Variants in AFG2A observed in about 807,000 individuals in gnomAD.
AFG2A encodes the protein AAA ATPase AFG2A, also known as ATPase family gene 2 protein homolog A.
the AFG2A span, among the ~76,000 whole-genome samples, chr4:123,274,393 G>T: frequency 3.3e-5 from 5 of 151,016 alleles, no homozygotes; most frequent in South Asian, 1.0e-3. Context: ...TAAAGAAATA[G>T]TACATGTTCT....
the AFG2A span, among the ~76,000 whole-genome samples, chr4:123,094,884 C>T: frequency 6.6e-6 from 1 of 151,536 alleles, no homozygotes; most frequent in Non-Finnish European, 1.5e-5. Flanking sequence ...CCCATTATCA[C>T]CCACACAGAC....
At chr4:123,219,489 A>G in the AFG2A span, among the ~76,000 whole-genome samples, 2 of 152,158 alleles carry the variant, frequency 1.3e-5, no homozygotes, top group African/African-American at 4.8e-5. Context: ...GTCACACCTA[A>G]TATTAACTAA....
the AFG2A span, among the ~76,000 whole-genome samples, chr4:123,163,139 T>G: frequency 6.6e-6 from 1 of 152,034 alleles, no homozygotes; most frequent in Non-Finnish European, 1.5e-5. Flanking sequence ...ATCTGTAAAA[T>G]AAAAACACTG....
chr4:123,271,183 G>T, the AFG2A span, among the ~76,000 whole-genome samples: 130 of 152,304 alleles, frequency 8.5e-4, no homozygotes, highest in Non-Finnish European at 1.5e-3. Flanking sequence ...GAATTACTTA[G>T]ATATTCTCAG....
chr4:122,996,565 G>GCAGA, the AFG2A span, among the ~76,000 whole-genome samples: 1 of 128,238 alleles, frequency 7.8e-6, no homozygotes, highest in South Asian at 2.6e-4. Context: ...AGCTAGGTAG[G>GCAGA]TAGGCAGATA....
chr4:123,236,716 G>T, the AFG2A span, among the ~76,000 whole-genome samples: 1 of 152,094 alleles, frequency 6.6e-6, no homozygotes, highest in African/African-American at 2.4e-5. Context: ...AAACTAACTT[G>T]TACAAGCCAT....
chr4:123,001,724 C>G, the AFG2A span, among the ~76,000 whole-genome samples: 1 of 152,198 alleles, frequency 6.6e-6, no homozygotes, highest in South Asian at 2.1e-4. Flanking sequence ...TTACTTCCAA[C>G]TATGTGGTCA....
At chr4:123,232,736 T>C in the AFG2A span, among the ~76,000 whole-genome samples, 1 of 152,134 alleles carries the variant, frequency 6.6e-6, no homozygotes, top group Non-Finnish European at 1.5e-5. Context: ...TTGAAGATAC[T>C]GCATTGGGGG....
At chr4:123,311,244 C>A in the AFG2A span, among the ~76,000 whole-genome samples, 1 of 152,162 alleles carries the variant, frequency 6.6e-6, no homozygotes, top group African/African-American at 2.4e-5. Flanking sequence ...CAGGTGGTCA[C>A]TACTTCTCTG....
the AFG2A span, among the ~76,000 whole-genome samples, chr4:122,987,310 A>G: frequency 2.6e-5 from 4 of 152,178 alleles, no homozygotes; most frequent in African/African-American, 4.8e-5. Flanking sequence ...AGAATACTTT[A>G]AATTAAAATC....
At chr4:123,195,904 T>C in the AFG2A span, among the ~76,000 whole-genome samples, 13,585 of 152,212 alleles carry the variant, frequency 0.089, 784 homozygotes, top group Middle Eastern at 0.2. Context: ...CCAGCAAACT[T>C]TGTTTATATA....
At chr4:123,121,344 T>C in the AFG2A span, among the ~76,000 whole-genome samples, 3 of 152,088 alleles carry the variant, frequency 2.0e-5, no homozygotes, top group East Asian at 1.9e-4. Context: ...CATAGTCTTA[T>C]TGTACCGTGT....
chr4:123,209,264 T>C, the AFG2A span, among the ~76,000 whole-genome samples: 1 of 152,138 alleles, frequency 6.6e-6, no homozygotes, highest in African/African-American at 2.4e-5. Context: ...ACACTGTCTC[T>C]AGGTAGACAG....
At chr4:123,196,502 A>T in the AFG2A span, among the ~76,000 whole-genome samples, 1 of 152,192 alleles carries the variant, frequency 6.6e-6, no homozygotes, top group East Asian at 1.9e-4. Context: ...GTGATTTAAC[A>T]TAGTTTTTCT....
At chr4:123,100,221 C>T in the AFG2A span, among the ~76,000 whole-genome samples, 2 of 151,720 alleles carry the variant, frequency 1.3e-5, no homozygotes, top group Non-Finnish European at 3.0e-5. Flanking sequence ...CGAAATAGAC[C>T]ATTTCATTTT....
At chr4:123,248,384 A>G in the AFG2A span, among the ~76,000 whole-genome samples, 24 of 152,242 alleles carry the variant, frequency 1.6e-4, no homozygotes, top group African/African-American at 5.5e-4. Flanking sequence ...ACTAAATTGC[A>G]TAAGAGATAT....
At chr4:123,180,213 C>G in the AFG2A span, among the ~76,000 whole-genome samples, 9 of 152,250 alleles carry the variant, frequency 5.9e-5, no homozygotes, top group African/African-American at 2.2e-4. Flanking sequence ...GAGTGAGACT[C>G]TGTCTCAGAA....
the AFG2A span, among the ~76,000 whole-genome samples, chr4:122,958,472 A>G: frequency 1.3e-5 from 2 of 152,184 alleles, no homozygotes; most frequent in Non-Finnish European, 2.9e-5. Context: ...TGTAGGTTAA[A>G]TCTATCTCTT....
At chr4:122,989,710 G>A in the AFG2A span, among the ~76,000 whole-genome samples, 1 of 152,116 alleles carries the variant, frequency 6.6e-6, no homozygotes, top group Non-Finnish European at 1.5e-5. Context: ...GGCAAGTACT[G>A]GAATCTGTGG....
Sources: gnomAD v4.1 joint callset for allele counts (sites outside exome capture counted in the v4.1 genomes callset) on GRCh38, gnomAD v4.1.1 for gene constraint, MANE v1.5 for transcripts, NCBI Gene and HGNC (gene_info 2026-07-23, HGNC 2026-07-21) for gene names.